VPS13B: variants seen among roughly 807,000 people sequenced by gnomAD.
The protein encoded by VPS13B is intermembrane lipid transfer protein VPS13B.
In VPS13B, 285 loss-of-function variants were observed where a neutral mutation model predicts 426.4. That is an observed-to-expected ratio of 0.67 (90% CI 0.61 to 0.74). VPS13B has a LOEUF of 0.74. VPS13B is among the 30% of genes least tolerant of loss of function. The pLI is 0.00. For missense variants in VPS13B, 4,537 were observed against 4,782.6 expected (o/e 0.95, Z 1.51); for synonymous variants, 1,676 against 1,676.4 (o/e 1.00, Z 0.01).
rs747731924 is a variant in VPS13B at position 99,520,937 on chromosome 8, A to G, written c.4672A>G (p.Ile1558Val). 1.2e-6 allele frequency: 2 copies of G among 1,613,860 alleles called. No individual in the cohort carries two copies. The highest frequency in any genetic ancestry group is 1.7e-6 in the Non-Finnish European group (2 of 1,179,774). Residue 1558 changes from isoleucine to valine, a missense_variant, in exon 30 of 62, where the codon ATT becomes GTT. Ile to Val is a conservative substitution (Grantham distance 29). Transcript: ENST00000357162. Reference sequence around the variant, plus strand: ...AAAAGAAGACACTGTGGTTTTGAAGATTGGCTCTGTTGCCATGGCTCCCCA... The same window carrying G: ...AAAAGAAGACACTGTGGTTTTGAAGGTTGGCTCTGTTGCCATGGCTCCCCA... Reference protein sequence around the residue: ...AAKEDTVVLKIGSVAMAPQAD... With the variant: ...AAKEDTVVLKVGSVAMAPQAD...
chr8:99,532,098 T>C (rs1822965743), intron 30 of VPS13B, among the ~76,000 whole-genome samples: 1 of 152,174 alleles, frequency 6.6e-6, no homozygotes, highest in Non-Finnish European at 1.5e-5. Context: ...AATTGAACAT[T>C]TGTGAACTTC....
At chr8:99,501,209 A>AT (rs1821217225) in intron 25 of VPS13B, among the ~76,000 whole-genome samples, 1 of 152,274 alleles carries the variant, frequency 6.6e-6, no homozygotes, top group African/African-American at 2.4e-5. Flanking sequence ...GTAGACAAAT[A>AT]TTTTTCTGTA....
intron 39 of VPS13B, among the ~76,000 whole-genome samples, chr8:99,741,667 A>C (rs1223320332): frequency 6.6e-6 from 1 of 152,234 alleles, no homozygotes; most frequent in Non-Finnish European, 1.5e-5. Flanking sequence ...AGGATTAAGA[A>C]ACTCACTCAA....
At chr8:99,477,538 C>T (rs1022526844) in intron 24 of VPS13B, among the ~76,000 whole-genome samples, 7 of 152,112 alleles carry the variant, frequency 4.6e-5, no homozygotes, top group African/African-American at 1.7e-4. Flanking sequence ...CCAGTGTGTA[C>T]GTTTCTTGAT....
At chr8:99,083,005 A>C (rs1279204650) in intron 3 of VPS13B, among the ~76,000 whole-genome samples, 5 of 152,304 alleles carry the variant, frequency 3.3e-5, no homozygotes, top group South Asian at 2.1e-4. Flanking sequence ...GAAGAAAGTC[A>C]TCAGTAGCTT....
At chr8:99,084,948 G>A (rs1215039945) in intron 3 of VPS13B, among the ~76,000 whole-genome samples, 1 of 152,188 alleles carries the variant, frequency 6.6e-6, no homozygotes, top group East Asian at 1.9e-4. Context: ...GGGGTGGAGA[G>A]TTCTGTAGAT....
chr8:99,641,865 A>C lies in VPS13B; in HGVS notation c.5275A>C (p.Thr1759Pro), dbSNP rs1333233329. The change falls in exon 34 of 62, where the codon ACC becomes CCC. Residue 1759 changes from threonine to proline, a missense_variant. By Grantham distance (38) the Thr-to-Pro change is conservative (BLOSUM62 -1). This residue lies in a region of VPS13B where 4,311 missense variants were observed against 4,474.3 expected (regional missense o/e 0.96). Transcript: ENST00000357162. ...TATATTTGATGGAGGCATGGCTGAA[A>C]CCTCATCTCGCTACAGTGGTGCTCA... The part of the protein sequence containing the change: ...VDIFDGGMAE[T>P]SSRYSGAQDS... The C allele has an allele frequency of 6.2e-7, 1 of 1,613,960 alleles. No individual in the cohort carries two copies. Among genetic ancestry groups the C allele is most frequent in the Non-Finnish European group, 8.5e-7 (1 of 1,179,928 alleles).
At chr8:99,140,080 A>G (rs1294225969) in intron 12 of VPS13B, among the ~76,000 whole-genome samples, 1 of 152,100 alleles carries the variant, frequency 6.6e-6, no homozygotes, top group African/African-American at 2.4e-5. Flanking sequence ...TAATGTAAGA[A>G]ACTAGGCTGA....
chr8:99,654,367 G>A (rs1431632248), intron 34 of VPS13B, among the ~76,000 whole-genome samples: 1 of 152,082 alleles, frequency 6.6e-6, no homozygotes, highest in Non-Finnish European at 1.5e-5. Flanking sequence ...TTATTATGAT[G>A]TTTAATGGAT....
intron 54 of VPS13B, among the ~76,000 whole-genome samples, chr8:99,843,108 C>T (rs951311717): frequency 1.3e-5 from 2 of 152,158 alleles, no homozygotes; most frequent in Non-Finnish European, 2.9e-5. Flanking sequence ...GAGCCATGAT[C>T]GTGCCACTTC....
At chr8:99,495,375 C>T (rs923291674) in intron 25 of VPS13B, among the ~76,000 whole-genome samples, 112 of 152,248 alleles carry the variant, frequency 7.4e-4, no homozygotes, top group African/African-American at 2.6e-3. Flanking sequence ...TCATTTTAAA[C>T]ATAATTATTT....
chr8:99,123,402 G>A (rs935845871), intron 8 of VPS13B, among the ~76,000 whole-genome samples: 2 of 152,048 alleles, frequency 1.3e-5, no homozygotes, highest in African/African-American at 4.8e-5. Context: ...GAATGAATGT[G>A]GTATGAAAGA....
At chr8:99,202,618 A>G (rs1268694788) in intron 17 of VPS13B, among the ~76,000 whole-genome samples, 8 of 152,232 alleles carry the variant, frequency 5.3e-5, no homozygotes, top group African/African-American at 1.7e-4. Context: ...TACCAGAGGT[A>G]CAAAGAGGAG....
chr8:99,696,560 C>G lies in VPS13B; in HGVS notation c.6047-2965C>G, dbSNP rs186514200. On this transcript the variant is annotated intron_variant, in intron 35 of 61. Transcript: ENST00000357162. Reference sequence around the variant, plus strand: ...CGCCCGTGACCATGAAGCTCTTCCCCAGCATGCCAGCATCCACGTTTGAGA... The same window carrying G: ...CGCCCGTGACCATGAAGCTCTTCCCGAGCATGCCAGCATCCACGTTTGAGA... 12 of 513,850 alleles carry G rather than the reference C, an allele frequency of 2.3e-5. 2 individuals carry two copies. Among genetic ancestry groups the G allele is most frequent in the South Asian group, 1.7e-4 (9 of 52,484 alleles). The allele number at this position is 513,850 out of a possible 1,614,324, so 31.8% of individuals were successfully genotyped here.
chr8:99,756,230 G>T (rs1810635349), intron 39 of VPS13B, among the ~76,000 whole-genome samples: 2 of 152,144 alleles, frequency 1.3e-5, no homozygotes, highest in South Asian at 2.1e-4. Flanking sequence ...CACTAGAGGG[G>T]CTAAGCAACA....
chr8:99,435,797 T>C (rs1817337479), intron 22 of VPS13B, among the ~76,000 whole-genome samples: 1 of 152,152 alleles, frequency 6.6e-6, no homozygotes, highest in Non-Finnish European at 1.5e-5. Context: ...GTGATGCTAT[T>C]AAATGAAGTA....
intron 17 of VPS13B, among the ~76,000 whole-genome samples, chr8:99,258,894 T>TA (rs1257087964): frequency 2.0e-5 from 3 of 152,094 alleles, no homozygotes; most frequent in Admixed American, 6.5e-5. Flanking sequence ...ATGGTAGAGT[T>TA]TTTACTAGAG....
intron 57 of VPS13B, among the ~76,000 whole-genome samples, chr8:99,860,203 C>T (rs965947670): frequency 2.6e-5 from 4 of 152,128 alleles, no homozygotes; most frequent in Admixed American, 1.3e-4. Context: ...GTGAAAGTCT[C>T]TGGAAGGCCT....
At chr8:99,460,327 A>G (rs1161954928) in intron 23 of VPS13B, among the ~76,000 whole-genome samples, 2 of 152,144 alleles carry the variant, frequency 1.3e-5, no homozygotes, top group Non-Finnish European at 2.9e-5. Flanking sequence ...AAGCTCCTAA[A>G]TTAATTCTGG....
Sources: gnomAD v4.1 joint callset for allele counts (sites outside exome capture counted in the v4.1 genomes callset) on GRCh38, gnomAD v4.1.1 for gene constraint, gnomAD v4.1.1 regional missense constraint, MANE v1.5 for transcripts, NCBI Gene and HGNC (gene_info 2026-07-23, HGNC 2026-07-21) for gene names.